The following BCAR3 variants were observed in gnomAD, a reference collection of about 807,000 sequenced individuals.
The protein encoded by BCAR3 is breast cancer anti-estrogen resistance protein 3.
A neutral mutation model predicts 80.1 loss-of-function variants in BCAR3; 37 were observed. The ratio of observed to expected loss-of-function variants is 0.46; its 90% CI spans 0.36 to 0.61. The LOEUF (loss-of-function observed/expected upper bound fraction) is 0.61. Among genes scored for constraint, BCAR3 ranks in the 20% least tolerant of loss-of-function variants. BCAR3 has a pLI of 0.00. For synonymous variants in BCAR3, 389 were observed against 418.9 expected (o/e 0.93, Z 0.87); for missense variants, 978 against 1,068.2 (o/e 0.92, Z 1.18).
chr1:93,658,939 T>A (rs1647522300), intron 2 of BCAR3, among the ~76,000 whole-genome samples: 1 of 152,190 alleles, frequency 6.6e-6, no homozygotes, highest in Non-Finnish European at 1.5e-5. Context: ...AGTCCACTAG[T>A]CTACCATTTA....
intron 3 of BCAR3, among the ~76,000 whole-genome samples, chr1:93,618,934 T>G (rs58909054): frequency 6.2e-3 from 933 of 150,600 alleles, no homozygotes; most frequent in East Asian, 0.014. Context: ...GTTTTTTTTT[T>G]TTTTGTTTTT....
chr1:93,563,568 A>C (rs751459994), intron 11 of BCAR3, among the ~76,000 whole-genome samples: 7 of 152,248 alleles, frequency 4.6e-5, no homozygotes, highest in African/African-American at 1.7e-4. Flanking sequence ...TACAATCAGT[A>C]TATGTTTACT....
Position 93,589,184 on chromosome 1 carries a change from A to C in BCAR3, c.722T>G (p.Ile241Ser), listed in dbSNP as rs1403803649. ...GATGATGGCGCCACTCTGCTGGGAGATGGGCCGGCGGTTGCCCACGTAGCA... is the reference window on the plus strand; with the variant it reads ...GATGATGGCGCCACTCTGCTGGGAGCTGGGCCGGCGGTTGCCCACGTAGCA... The part of the protein sequence containing the change: ...VRCYVGNRRP[I>S]SQQSGAIIFQ... Residue 241 changes from isoleucine to serine, a missense_variant, in exon 5 of 12, where the codon ATC becomes AGC. Physicochemically the swap from Ile to Ser is moderately radical, Grantham distance 142 (BLOSUM62 -2). Transcript: ENST00000260502. 6.2e-7 allele frequency: 1 copy of C among 1,613,800 alleles called. No individual in the cohort carries two copies.
At chr1:93,830,673 C>T (rs183324882) in intron 2 of BCAR3, among the ~76,000 whole-genome samples, 28 of 152,320 alleles carry the variant, frequency 1.8e-4, no homozygotes, top group African/African-American at 6.3e-4. Flanking sequence ...AGCCCACCTG[C>T]ACCCATGTGA....
Position 93,582,963 on chromosome 1 carries a change from A to G in BCAR3, c.1034-10T>C, listed in dbSNP as rs1394241829. Reference sequence around the variant, plus strand: ...GGTGGCAGCTTGCAGCCTGTGGGGGATAAGAAAAGGTCAGAGAAAGCTCAT... The same window carrying G: ...GGTGGCAGCTTGCAGCCTGTGGGGGGTAAGAAAAGGTCAGAGAAAGCTCAT... On this transcript the variant is annotated splice_polypyrimidine_tract_variant and intron_variant, in intron 6 of 11. Coordinates refer to ENST00000260502, the MANE Select transcript of BCAR3 (RefSeq NM_003567.4). The G allele has an allele frequency of 6.4e-7, 1 of 1,573,534 alleles. No individual in the cohort carries two copies.
intron 2 of BCAR3, among the ~76,000 whole-genome samples, chr1:93,829,127 G>A (rs1220867391): frequency 6.6e-6 from 1 of 152,210 alleles, no homozygotes; most frequent in Non-Finnish European, 1.5e-5. Flanking sequence ...CCGGTCTGCA[G>A]TGGAACGCAA....
intron 2 of BCAR3, among the ~76,000 whole-genome samples, chr1:93,736,812 TA>T (rs1470621293): frequency 3.3e-5 from 5 of 152,062 alleles, no homozygotes; most frequent in Non-Finnish European, 7.4e-5. Flanking sequence ...GCTATGAAAA[TA>T]AAAAATCATC....
At chr1:93,587,952 G>T (rs1483388435) in intron 5 of BCAR3, among the ~76,000 whole-genome samples, 1 of 152,110 alleles carries the variant, frequency 6.6e-6, no homozygotes. Context: ...GGGTGCTTAG[G>T]ATCAGTGAGG....
chr1:93,823,472 C>A lies in BCAR3; in HGVS notation c.-63+22095G>T, dbSNP rs1654291729. ...TCTGCCCTCTGCAATCTTCCTTTTCCCTTCCACTCCTGAAGGGATTATTGA... is the reference window on the plus strand; with the variant it reads ...TCTGCCCTCTGCAATCTTCCTTTTCACTTCCACTCCTGAAGGGATTATTGA... On this transcript the variant is annotated intron_variant, in intron 2 of 13. Transcript: ENST00000370244. Among the ~76,000 whole-genome samples the A allele has an allele frequency of 1.5e-5, 2 of 132,550 alleles. 1 individual carries two copies. The highest frequency in any genetic ancestry group is 6.2e-4 in the South Asian group (2 of 3,216). 87.0% of individuals were successfully genotyped at this position (132,550 alleles called of 152,430 possible).
At chr1:93,717,595 G>C (rs997646736) in intron 2 of BCAR3, among the ~76,000 whole-genome samples, 3 of 152,020 alleles carry the variant, frequency 2.0e-5, no homozygotes, top group Non-Finnish European at 4.4e-5. Flanking sequence ...GGGCATGGTG[G>C]CATGTGCCTG....
chr1:93,743,398 G>T (rs149289939), intron 2 of BCAR3, among the ~76,000 whole-genome samples: 2 of 152,188 alleles, frequency 1.3e-5, no homozygotes, highest in African/African-American at 4.8e-5. Flanking sequence ...AGTAATACAG[G>T]CAGAGCTTAA....
chr1:93,720,912 G>A (rs978510835), intron 2 of BCAR3, among the ~76,000 whole-genome samples: 3 of 152,148 alleles, frequency 2.0e-5, no homozygotes, highest in South Asian at 4.1e-4. Flanking sequence ...TGCCTGCCCT[G>A]CCATTAGCAG....
At chr1:93,716,502 G>A (rs542319177) in intron 2 of BCAR3, among the ~76,000 whole-genome samples, 1 of 152,318 alleles carries the variant, frequency 6.6e-6, no homozygotes, top group Admixed American at 6.5e-5. Flanking sequence ...AGGGTGATCT[G>A]ACTCTTATCT....
At chr1:93,817,950 C>G (rs992728966) in intron 2 of BCAR3, among the ~76,000 whole-genome samples, 11 of 152,188 alleles carry the variant, frequency 7.2e-5, no homozygotes, top group Non-Finnish European at 1.6e-4. Context: ...GCTTTGCTCC[C>G]CGCCGCCCCA....
chr1:93,617,718 G>C (rs1675171280), intron 3 of BCAR3, among the ~76,000 whole-genome samples: 1 of 152,206 alleles, frequency 6.6e-6, no homozygotes, highest in African/African-American at 2.4e-5. Context: ...TAATGAGCCA[G>C]GGCATGAGGC....
intron 3 of BCAR3, among the ~76,000 whole-genome samples, chr1:93,617,392 A>G (rs576871407): frequency 1.3e-5 from 2 of 152,170 alleles, no homozygotes; most frequent in East Asian, 1.9e-4. Context: ...ACCCTCCCCA[A>G]AGCAGCCCAG....
intron 2 of BCAR3, among the ~76,000 whole-genome samples, chr1:93,713,006 A>G (rs1022710996): frequency 1.3e-5 from 2 of 152,124 alleles, no homozygotes; most frequent in South Asian, 4.1e-4. Flanking sequence ...CTTTTTCTCT[A>G]GGGCAATACA....
In BCAR3 at chr1:93,834,998, T is replaced by C. The variant is rs78377153; in HGVS notation, c.-63+10569A>G. Reference sequence around the variant, plus strand: ...GCGGTTCCACCAGGCCTAATTGCCATTCACCAGCAAAGGCAGGCTATGTTA... The same window carrying C: ...GCGGTTCCACCAGGCCTAATTGCCACTCACCAGCAAAGGCAGGCTATGTTA... On this transcript the variant is annotated intron_variant, in intron 2 of 13. Coordinates refer to the BCAR3 transcript ENST00000370244. Among the ~76,000 whole-genome samples, 118 of 151,934 alleles carry C rather than the reference T, an allele frequency of 7.8e-4. 4 individuals carry two copies. In the East Asian group the frequency reaches 0.022, roughly 28 times the overall value.
chr1:93,775,142 G>A (rs1652499922), intron 2 of BCAR3: 1 of 152,194 alleles, frequency 6.6e-6, no homozygotes, highest in East Asian at 1.9e-4. Flanking sequence ...AAATTTAATT[G>A]AGTTTAACAT....
Sources: gnomAD v4.1 joint callset for allele counts (sites outside exome capture counted in the v4.1 genomes callset) on GRCh38, gnomAD v4.1.1 for gene constraint, MANE v1.5 for transcripts, NCBI Gene and HGNC (gene_info 2026-07-23, HGNC 2026-07-21) for gene names.